The following MBOAT1 variants were observed in gnomAD, a reference collection of about 807,000 sequenced individuals.
MBOAT1 encodes the protein membrane-bound glycerophospholipid O-acyltransferase 1.
In MBOAT1, 67 loss-of-function variants were observed where a neutral mutation model predicts 64.4. That is an observed-to-expected ratio of 1.04 (90% confidence interval 0.85 to 1.27). The LOEUF is 1.27. Ranked by LOEUF, MBOAT1 falls within the 50% of genes most tolerant of loss-of-function variation. The probability of loss-of-function intolerance (pLI) is 0.00; values close to 1 mark genes in which losing one functional copy is unlikely to be tolerated. For synonymous variants in MBOAT1, 229 were observed against 218.9 expected, an observed-to-expected ratio of 1.05 and a Z score of -0.41; for missense variants, 563 against 604.6, an observed-to-expected ratio of 0.93 and a Z score of 0.72.
chr6:20,191,297 C>T (rs1581458527), intron 1 of MBOAT1, among the ~76,000 whole-genome samples: 1 of 152,176 alleles, frequency 6.6e-6, no homozygotes. Context: ...CTTGAACTTC[C>T]CAGCCTCTAG....
intron 1 of MBOAT1, among the ~76,000 whole-genome samples, chr6:20,156,648 C>G (rs1446340445): frequency 6.6e-6 from 1 of 152,192 alleles, no homozygotes; most frequent in Non-Finnish European, 1.5e-5. Flanking sequence ...TTTTTATAAA[C>G]CAAACAGAAA....
chr6:20,133,669 T>C (rs1440303498), intron 4 of MBOAT1, among the ~76,000 whole-genome samples: 1 of 152,238 alleles, frequency 6.6e-6, no homozygotes, highest in Non-Finnish European at 1.5e-5. Flanking sequence ...GTTCAATTGA[T>C]AAAGAGATAA....
intron 1 of MBOAT1, among the ~76,000 whole-genome samples, chr6:20,187,897 C>T (rs550971244): frequency 1.2e-4 from 18 of 152,086 alleles, no homozygotes; most frequent in African/African-American, 3.4e-4. Flanking sequence ...GAGGCTGAGG[C>T]GGGAGGATTG....
In MBOAT1 at chr6:20,102,964, A is replaced by G. The variant is rs150523361; in HGVS notation, c.1362-552T>C. Among the ~76,000 whole-genome samples, 523 of 152,368 alleles carry G rather than the reference A, an allele frequency of 3.4e-3. 3 individuals are homozygous for G. Among genetic ancestry groups the G allele is most frequent in the African/African-American group, 0.012 (507 of 41,584 alleles). The stretch of plus-strand genomic sequence containing the variant: ...AACAATAGTATGCTGCCAGTTGAAT[A>G]AAAGGCCAGCACATACTATTACATA... On this transcript the variant is annotated intron_variant, in intron 12 of 12. Coordinates refer to ENST00000324607, the MANE Select transcript of MBOAT1 (RefSeq NM_001080480.3).
chr6:20,146,229 C>T (rs1159550293), intron 3 of MBOAT1, among the ~76,000 whole-genome samples: 1 of 152,078 alleles, frequency 6.6e-6, no homozygotes, highest in African/African-American at 2.4e-5. Flanking sequence ...ATTGAAATCA[C>T]ATATTCACAT....
intron 1 of MBOAT1, among the ~76,000 whole-genome samples, chr6:20,169,012 G>T (rs952758129): frequency 2.0e-4 from 30 of 152,024 alleles, no homozygotes; most frequent in Admixed American, 1.0e-3. Context: ...AACCTATGTT[G>T]TCTCCTAAAC....
At position 20,128,732 on chromosome 6, in the gene MBOAT1, T is replaced by G. The variant is rs773430723; in HGVS notation, c.497A>C (p.Asp166Ala). The G allele has an allele frequency of 1.9e-6, 3 of 1,610,282 alleles. No individual in the cohort carries two copies. The South Asian group carries it at 3.3e-5, about 18-fold the overall frequency. Reference sequence around the variant, plus strand: ...AAGTCGATGTTGTTCAGCAGAAAGGTCTTCAGCTCTTCGACCTAATCCTAT... The same window carrying G: ...AAGTCGATGTTGTTCAGCAGAAAGGGCTTCAGCTCTTCGACCTAATCCTAT... ...VHDGLGRRAE[D>A]LSAEQHRLAI... is the part of the protein sequence containing the mutation. Residue 166 changes from aspartate to alanine, a missense_variant, in exon 6 of 13, where the codon GAC becomes GCC. Asp to Ala is a moderately radical substitution (Grantham distance 126). Transcript: ENST00000324607.
intron 1 of MBOAT1, among the ~76,000 whole-genome samples, chr6:20,161,200 A>G (rs1009041305): frequency 6.6e-6 from 1 of 152,122 alleles, no homozygotes. Flanking sequence ...CATGCATGCC[A>G]GGGATGTAGG....
At chr6:20,161,386 T>G (rs1435194647) in intron 1 of MBOAT1, among the ~76,000 whole-genome samples, 1 of 152,102 alleles carries the variant, frequency 6.6e-6, no homozygotes, top group East Asian at 1.9e-4. Context: ...AGAAATAAAG[T>G]GCACAATAAA....
chr6:20,122,508 G>A (rs899313337), intron 8 of MBOAT1, among the ~76,000 whole-genome samples: 2 of 152,174 alleles, frequency 1.3e-5, no homozygotes, highest in Admixed American at 1.3e-4. Context: ...TAAATTGAAA[G>A]TGTACAGAAA....
chr6:20,146,493 AT>A (rs1460528140), intron 3 of MBOAT1, among the ~76,000 whole-genome samples: 1 of 152,204 alleles, frequency 6.6e-6, no homozygotes, highest in Non-Finnish European at 1.5e-5. Context: ...AACAATGCAA[AT>A]GACTAAGAGA....
intron 1 of MBOAT1, among the ~76,000 whole-genome samples, chr6:20,173,898 C>T (rs986315372): frequency 9.9e-5 from 15 of 152,108 alleles, no homozygotes; most frequent in South Asian, 2.1e-4. Flanking sequence ...TTGCAGTGGC[C>T]GGGATCACGC....
chr6:20,212,121 C>A lies in MBOAT1; in HGVS notation c.99+15G>T, dbSNP rs372258988. ...CTGGGGAGCTGGGGTCGCTGCGCTC[C>A]CGGCCTGCAGTTACCTGGTCCAGCG... On this transcript the variant is annotated intron_variant, in intron 1 of 12. Transcript: ENST00000324607. 6.8e-6 allele frequency: 11 copies of A among 1,611,576 alleles called. No homozygotes were observed. Among genetic ancestry groups the A allele is most frequent in the Middle Eastern group, 1.7e-4 (1 of 5,990 alleles).
At chr6:20,177,033 T>A (rs1257112059) in intron 1 of MBOAT1, among the ~76,000 whole-genome samples, 1 of 152,238 alleles carries the variant, frequency 6.6e-6, no homozygotes, top group African/African-American at 2.4e-5. Context: ...TTCATACATA[T>A]TAGAAACACT....
intron 3 of MBOAT1, 34 bp from the exon 4 acceptor site, chr6:20,144,349 T>C (rs367884412): frequency 5.5e-5 from 72 of 1,313,564 alleles, no homozygotes; most frequent in Middle Eastern, 3.7e-4. Flanking sequence ...CAGATTATTA[T>C]GCATAGCAAT....
In MBOAT1 at chr6:20,120,826, G is replaced by A. The variant is rs145507266; in HGVS notation, c.908-2286C>T. Among the ~76,000 whole-genome samples the A allele has an allele frequency of 1.7e-4, 26 of 152,280 alleles. 1 individual carries two copies. The East Asian group carries it at 2.9e-3, about 17-fold the overall frequency. ...CTCAGAACCACACTGAGCCGATATC[G>A]GAATCCCCACTCTCCCTAGTGATCC... On this transcript the variant is annotated intron_variant, in intron 8 of 12. Transcript: ENST00000324607.
chr6:20,168,174 C>T (rs542619987), intron 1 of MBOAT1, among the ~76,000 whole-genome samples: 55 of 152,238 alleles, frequency 3.6e-4, no homozygotes, highest in Non-Finnish European at 5.6e-4. Flanking sequence ...ATTTTTTAAT[C>T]TCTTCATTAT....
At chr6:20,122,173 T>A (rs947732509) in intron 8 of MBOAT1, among the ~76,000 whole-genome samples, 17 of 151,816 alleles carry the variant, frequency 1.1e-4, no homozygotes, top group Admixed American at 5.9e-4. Flanking sequence ...CTCAAAAAAA[T>A]ATATATATAT....
At chr6:20,138,559 C>G (rs922515275) in intron 4 of MBOAT1, among the ~76,000 whole-genome samples, 1 of 152,064 alleles carries the variant, frequency 6.6e-6, no homozygotes, top group Non-Finnish European at 1.5e-5. Flanking sequence ...TTATTTTTTC[C>G]CTTTGATAAT....
Sources: gnomAD v4.1 joint callset for allele counts (sites outside exome capture counted in the v4.1 genomes callset) on GRCh38, gnomAD v4.1.1 for gene constraint, MANE v1.5 for transcripts, NCBI Gene and HGNC (gene_info 2026-07-23, HGNC 2026-07-21) for gene names.